DAG1: variants seen among roughly 807,000 people sequenced by gnomAD.
The protein encoded by DAG1 is dystroglycan 1 (dystrophin-associated glycoprotein 1).
Under a neutral mutation model 46.1 loss-of-function variants are expected in DAG1, and 8 were observed. The ratio of observed to expected loss-of-function variants is 0.17; its 90% CI spans 0.10 to 0.31. DAG1 has a LOEUF of 0.31. Ranked by LOEUF, DAG1 falls within the 10% of genes least tolerant of loss-of-function variation. The pLI is 1.00. For synonymous variants in DAG1, 495 were observed against 481.8 expected, an observed-to-expected ratio of 1.03 and a Z score of -0.36; for missense variants, 1,003 against 1,189.9, an observed-to-expected ratio of 0.84 and a Z score of 2.31.
rs572058038 is a variant in DAG1 at position 49,525,847 on chromosome 3, C to T, written c.286-4950C>T. Among the ~76,000 whole-genome samples, 447 of 149,700 alleles carry T rather than the reference C, an allele frequency of 3.0e-3. 3 individuals are homozygous for T. Among genetic ancestry groups the T allele is most frequent in the African/African-American group, 9.4e-3 (384 of 40,668 alleles). Reference sequence around the variant, plus strand: ...TGCTGGGATTACAGGCGTGAGCCACCGCGCTCGGCCTTTTTTTTTTTGAGA... The same window carrying T: ...TGCTGGGATTACAGGCGTGAGCCACTGCGCTCGGCCTTTTTTTTTTTGAGA... On this transcript the variant is annotated intron_variant, in intron 2 of 2. Coordinates refer to ENST00000308775, the MANE Select transcript of DAG1 (RefSeq NM_004393.6).
intron 1 of DAG1, among the ~76,000 whole-genome samples, chr3:49,474,638 G>A (rs2049625151): frequency 2.0e-5 from 3 of 151,916 alleles, no homozygotes; most frequent in South Asian, 4.2e-4. Flanking sequence ...GAGCCACTGC[G>A]CACCGCCCTG....
chr3:49,530,276 C>T (rs1009144681), intron 2 of DAG1, among the ~76,000 whole-genome samples: 6 of 152,194 alleles, frequency 3.9e-5, no homozygotes, highest in African/African-American at 1.4e-4. Flanking sequence ...TGAGCCTTCC[C>T]TTGTACCCAG....
chr3:49,479,617 A>G (rs2049803252), intron 1 of DAG1, among the ~76,000 whole-genome samples: 1 of 137,498 alleles, frequency 7.3e-6, no homozygotes. Context: ...GCCGGCCTGA[A>G]TATAACATTT....
intron 1 of DAG1, among the ~76,000 whole-genome samples, chr3:49,474,409 G>A (rs534719394): frequency 2.0e-5 from 3 of 151,794 alleles, no homozygotes; most frequent in Non-Finnish European, 2.9e-5. Flanking sequence ...GAAGTGGTGC[G>A]ATCTTGGCTC....
At chr3:49,484,914 A>C (rs915924792) in intron 1 of DAG1, among the ~76,000 whole-genome samples, 1 of 151,750 alleles carries the variant, frequency 6.6e-6, no homozygotes, top group Non-Finnish European at 1.5e-5. Context: ...CTCCTGCCTC[A>C]GCCTCCCGAG....
At chr3:49,519,981 T>C (rs936936460) in intron 2 of DAG1, among the ~76,000 whole-genome samples, 1 of 152,248 alleles carries the variant, frequency 6.6e-6, no homozygotes, top group Non-Finnish European at 1.5e-5. Flanking sequence ...TGTTCAGTAT[T>C]GATCCTGTGG....
intron 1 of DAG1, among the ~76,000 whole-genome samples, chr3:49,495,433 A>G (rs1260907195): frequency 2.6e-5 from 4 of 152,200 alleles, no homozygotes; most frequent in African/African-American, 7.2e-5. Flanking sequence ...GGTAGTTGGT[A>G]AACATGTGCT....
At chr3:49,490,719 G>A (rs2050158967) in intron 1 of DAG1, among the ~76,000 whole-genome samples, 2 of 151,518 alleles carry the variant, frequency 1.3e-5, no homozygotes, top group Non-Finnish European at 2.9e-5. Context: ...GCAGGTGCAG[G>A]CTACCATGCT....
intron 1 of DAG1, among the ~76,000 whole-genome samples, chr3:49,503,380 CTTG>C (rs2050509283): frequency 6.6e-6 from 1 of 152,190 alleles, no homozygotes; most frequent in Non-Finnish European, 1.5e-5. Context: ...CTGTGAATTA[CTTG>C]TTGGTTCGTT....
intron 1 of DAG1, among the ~76,000 whole-genome samples, chr3:49,497,086 A>G (rs1175141438): frequency 6.6e-6 from 1 of 150,766 alleles, no homozygotes; most frequent in Non-Finnish European, 1.5e-5. Flanking sequence ...GATTGTTTGA[A>G]CCAGGAGTTT....
chr3:49,499,455 CTG>C (rs910926694), intron 1 of DAG1, among the ~76,000 whole-genome samples: 4 of 152,174 alleles, frequency 2.6e-5, no homozygotes, highest in African/African-American at 9.7e-5. Flanking sequence ...GTTTCATTCA[CTG>C]TGAGTTTTTC....
chr3:49,533,258 G>T lies in DAG1; in HGVS notation c.*59G>T. ...AGGGGCCTGGAGACGACATGGTGTT[G>T]TCTGTGGAGACCGGTGGCCTGCAGA... is the stretch of plus-strand genomic sequence containing the variant. On this transcript the variant is annotated 3_prime_UTR_variant, in exon 3 of 3. Transcript: ENST00000308775. 6.3e-7 allele frequency: 1 copy of T among 1,597,886 alleles called. No homozygotes were observed. The highest frequency in any genetic ancestry group is 1.3e-5 in the African/African-American group (1 of 74,932).
chr3:49,514,836 T>C (rs2050855191), intron 2 of DAG1, among the ~76,000 whole-genome samples: 1 of 141,646 alleles, frequency 7.1e-6, no homozygotes, highest in Non-Finnish European at 1.5e-5. Flanking sequence ...TGTGTGTGTG[T>C]ACACATACAT....
chr3:49,500,917 A>G (rs189124728), intron 1 of DAG1, among the ~76,000 whole-genome samples: 7 of 152,104 alleles, frequency 4.6e-5, no homozygotes, highest in Admixed American at 4.6e-4. Context: ...GAGACTGTGT[A>G]AAAAAAACTT....
chr3:49,531,567 G>A lies in DAG1; in HGVS notation c.1056G>A (p.Glu352=). The change falls in exon 3 of 3, where the codon GAG becomes GAA. Residue 352 remains glutamate (E), a synonymous_variant. Transcript: ENST00000308775. This position sits in a 1 kb window ranked among gnomAD's most constrained non-coding sequence, Gnocchi z 7.0. ...PTSPAIAPPT[E]TMAPPVRDPV... is the part of the protein sequence containing the mutation. ...CTCCAGCCATTGCTCCTCCAACAGA[G>A]ACCATGGCTCCTCCAGTCAGGGATC... 6.2e-7 allele frequency: 1 copy of A among 1,611,952 alleles called. No individual in the cohort carries two copies. Among genetic ancestry groups the A allele is most frequent in the Non-Finnish European group, 8.5e-7 (1 of 1,178,292 alleles).
chr3:49,509,715 A>G (rs1246752211), intron 1 of DAG1, among the ~76,000 whole-genome samples: 1 of 151,686 alleles, frequency 6.6e-6, no homozygotes, highest in Non-Finnish European at 1.5e-5. Flanking sequence ...TTTCAATCAT[A>G]TATTTTACTT....
intron 2 of DAG1, among the ~76,000 whole-genome samples, chr3:49,519,631 A>G (rs969404907): frequency 3.9e-5 from 6 of 152,156 alleles, no homozygotes; most frequent in African/African-American, 1.4e-4. Flanking sequence ...CACACCGGGA[A>G]ATGCGGGTTG....
In DAG1 at chr3:49,533,023, G is replaced by C; in HGVS notation, c.2512G>C (p.Glu838Gln). The change falls in exon 3 of 3, where the codon GAG (glutamate) becomes CAG (glutamine). Residue 838 changes from glutamate to glutamine, a missense_variant. Transcript: ENST00000308775. ...TGAGTACCCCAACCAGAGTGTGCCC[G>C]AGACCACTCCTCTGAACCAGGACAC... ...PPEYPNQSVP[E>Q]TTPLNQDTMG... 1 of 1,614,020 alleles carries C rather than the reference G, an allele frequency of 6.2e-7. No homozygotes were observed. The highest frequency in any genetic ancestry group is 8.5e-7 in the Non-Finnish European group (1 of 1,180,000).
intron 1 of DAG1, among the ~76,000 whole-genome samples, chr3:49,472,446 G>C (rs2049547528): frequency 6.6e-6 from 1 of 152,086 alleles, no homozygotes; most frequent in African/African-American, 2.4e-5. Context: ...GTGGGATTTG[G>C]AGGGACCACT....
Sources: gnomAD v4.1 joint callset for allele counts (sites outside exome capture counted in the v4.1 genomes callset) on GRCh38, gnomAD v4.1.1 for gene constraint, Gnocchi (gnomAD v3.1) non-coding constraint, MANE v1.5 for transcripts, NCBI Gene and HGNC (gene_info 2026-07-23, HGNC 2026-07-21) for gene names.